Variants in KDM4C observed in about 807,000 individuals in gnomAD.
The protein encoded by KDM4C is lysine-specific demethylase 4C.
In KDM4C, 81 loss-of-function variants were observed where a neutral mutation model predicts 129.3. The ratio of observed to expected loss-of-function variants is 0.63; its 90% CI spans 0.52 to 0.75. The LOEUF (loss-of-function observed/expected upper bound fraction) is 0.75. KDM4C is among the 30% of genes least tolerant of loss of function. KDM4C has a pLI of 0.00. For missense variants in KDM4C, 1,457 were observed against 1,304.0 expected, an observed-to-expected ratio of 1.12 and a Z score of -1.81; for synonymous variants, 573 against 456.1, an observed-to-expected ratio of 1.26 and a Z score of -3.26.
Position 6,729,204 on chromosome 9 carries a change from CAAAAAAAAAAAA to C in KDM4C, c.49+8219_49+8230del, listed in dbSNP as rs1186478804. Among the ~76,000 whole-genome samples the C allele has an allele frequency of 8.7e-4, 28 of 32,100 alleles. 5 individuals carry two copies. In the East Asian group the frequency reaches 0.03, roughly 34 times the overall value. The allele number at this position is 32,100 out of a possible 152,430, so 21.1% of individuals were successfully genotyped here. A position where few individuals can be genotyped will look rare whatever the true frequency, so the allele number is the denominator to read the frequency against. On this transcript the variant is annotated intron_variant, in intron 1 of 17. Coordinates refer to the KDM4C transcript ENST00000536108. ...GGGCGACAGAGCAAAGCTCCGTCTC[CAAAAAAAAAAAA>C]AAAAAAAAAAAGAAGAAGAAAAGAA...
intron 8 of KDM4C, among the ~76,000 whole-genome samples, chr9:6,940,088 CTTCTT>C: frequency 7.1e-6 from 1 of 140,632 alleles, no homozygotes; most frequent in Non-Finnish European, 1.5e-5. Flanking sequence ...TCTTTCTTTC[CTTCTT>C]TTCTTTCTTT....
chr9:6,902,394 T>C (rs997643495), intron 8 of KDM4C, among the ~76,000 whole-genome samples: 4 of 152,190 alleles, frequency 2.6e-5, no homozygotes, highest in Admixed American at 6.5e-5. Flanking sequence ...GTAAATGTCC[T>C]GATGGCTGTC....
intron 1 of KDM4C, among the ~76,000 whole-genome samples, chr9:6,737,401 C>T (rs1817557423): frequency 6.6e-6 from 1 of 150,968 alleles, no homozygotes; most frequent in East Asian, 2.0e-4. Flanking sequence ...TGGCTCATGC[C>T]TGTAATCTCA....
At chr9:7,010,307 A>C (rs1162252579) in intron 12 of KDM4C, among the ~76,000 whole-genome samples, 1 of 152,222 alleles carries the variant, frequency 6.6e-6, no homozygotes, top group Non-Finnish European at 1.5e-5. Flanking sequence ...TTGTAAAAAT[A>C]ATAACAACAA....
intron 12 of KDM4C, among the ~76,000 whole-genome samples, chr9:7,000,481 C>T (rs1820530618): frequency 6.6e-6 from 1 of 152,006 alleles, no homozygotes; most frequent in African/African-American, 2.4e-5. Context: ...TTCATGTATG[C>T]CTTGTTATTT....
Position 7,045,906 on chromosome 9 carries a change from GT to G in KDM4C, c.2260-955del, listed in dbSNP as rs146272342. On this transcript the variant is annotated intron_variant, in intron 15 of 21. Transcript: ENST00000381309. The stretch of plus-strand genomic sequence containing the variant: ...AGTAGATCAGTTAGATGGATTCCTT[GT>G]AAAGCTAGGAAAAATTGTCAAAATT... Among the ~76,000 whole-genome samples the G allele has an allele frequency of 4.5e-3, 683 of 152,142 alleles. 4 individuals carry two copies. Among genetic ancestry groups the G allele is most frequent in the African/African-American group, 0.016 (658 of 41,520 alleles).
intron 1 of KDM4C, among the ~76,000 whole-genome samples, chr9:6,781,877 G>A (rs1824419415): frequency 6.6e-6 from 1 of 150,850 alleles, no homozygotes; most frequent in Non-Finnish European, 1.5e-5. Context: ...TGGCTGGAGT[G>A]CAGTGGCATT....
intron 17 of KDM4C, among the ~76,000 whole-genome samples, chr9:7,060,645 C>G (rs910620095): frequency 6.6e-6 from 1 of 151,894 alleles, no homozygotes; most frequent in Non-Finnish European, 1.5e-5. Flanking sequence ...CCATGCCCAG[C>G]TAATTTTTGT....
At chr9:6,785,291 T>A (rs1825233138) in intron 1 of KDM4C, among the ~76,000 whole-genome samples, 1 of 151,662 alleles carries the variant, frequency 6.6e-6, no homozygotes, top group African/African-American at 2.4e-5. Context: ...AGTCCCTGCC[T>A]CCATCTTCAC....
At position 6,731,516 on chromosome 9, in the gene KDM4C, G is replaced by C. The variant is rs573614148; in HGVS notation, c.49+10519G>C. Among the ~76,000 whole-genome samples the C allele has an allele frequency of 2.0e-5, 3 of 151,818 alleles. No homozygotes were observed. In the South Asian group the frequency reaches 6.3e-4, roughly 32 times the overall value. On this transcript the variant is annotated intron_variant, in intron 1 of 17. Transcript: ENST00000536108. ...CAGCTAATTTTTTTTTGTATTTTTA[G>C]TAGAGACGGGGTTTCTCCATGTTGA...
intron 8 of KDM4C, among the ~76,000 whole-genome samples, chr9:6,937,172 C>A (rs62533821): frequency 6.6e-6 from 1 of 151,936 alleles, no homozygotes; most frequent in Admixed American, 6.6e-5. Context: ...AAGAACCTCC[C>A]GAAGTGCTAG....
intron 8 of KDM4C, among the ~76,000 whole-genome samples, chr9:6,979,084 G>A (rs1816299630): frequency 6.6e-6 from 1 of 152,080 alleles, no homozygotes. Flanking sequence ...TTTGTTCACT[G>A]TTTATTTTTC....
intron 5 of KDM4C, among the ~76,000 whole-genome samples, chr9:6,851,970 G>T (rs1192598501): frequency 2.6e-5 from 4 of 152,294 alleles, no homozygotes; most frequent in East Asian, 3.9e-4. Context: ...CGCATTAAGA[G>T]TAGATTTATA....
intron 21 of KDM4C, among the ~76,000 whole-genome samples, chr9:7,172,387 GGTAAATC>G (rs1428523546): frequency 6.6e-6 from 1 of 152,090 alleles, no homozygotes; most frequent in Non-Finnish European, 1.5e-5. Context: ...TAGAGCTCCT[GGTAAATC>G]GGTTTTATTA....
chr9:6,805,550 A>G, intron 2 of KDM4C, 49 bp from the exon 3 acceptor site: 1 of 1,329,024 alleles, frequency 7.5e-7, no homozygotes, highest in East Asian at 2.5e-5. Context: ...AAGCTAAATT[A>G]CTTGGAGTAT....
chr9:6,986,751 C>T, intron 11 of KDM4C, 85 bp downstream of exon 11: 1 of 911,068 alleles, frequency 1.1e-6, no homozygotes, highest in Admixed American at 2.9e-5. Context: ...CTGAAATCCT[C>T]CTTTAGGGCA....
chr9:6,966,439 G>A (rs933535061), intron 8 of KDM4C, among the ~76,000 whole-genome samples: 7 of 152,168 alleles, frequency 4.6e-5, no homozygotes, highest in African/African-American at 1.7e-4. Flanking sequence ...CAAAGTGCTG[G>A]GATTACAGGC....
intron 12 of KDM4C, among the ~76,000 whole-genome samples, chr9:7,000,599 C>G (rs998696726): frequency 6.6e-6 from 1 of 152,048 alleles, no homozygotes; most frequent in African/African-American, 2.4e-5. Context: ...ATGGTGCATT[C>G]AATTCTTTAG....
chr9:7,123,523 A>C (rs767297765), intron 18 of KDM4C, among the ~76,000 whole-genome samples: 2 of 152,152 alleles, frequency 1.3e-5, no homozygotes, highest in African/African-American at 2.4e-5. Flanking sequence ...GTGCCTATTC[A>C]CTTACCCACT....
Sources: allele counts gnomAD v4.1 joint callset (sites outside exome capture counted in the v4.1 genomes callset), GRCh38; gene constraint gnomAD v4.1.1; transcripts MANE v1.5; gene names NCBI Gene and HGNC (gene_info 2026-07-23, HGNC 2026-07-21).